Variants in CADM2 observed in about 807,000 individuals in gnomAD.
CADM2 encodes the protein cell adhesion molecule 2.
Under a neutral mutation model 49.8 loss-of-function variants are expected in CADM2, and 12 were observed. The ratio of observed to expected loss-of-function variants is 0.24; its 90% CI spans 0.15 to 0.39. The LOEUF is 0.39. CADM2 is among the 10% of genes least tolerant of loss of function. The pLI is 1.00. For synonymous variants in CADM2, 214 were observed against 175.4 expected (o/e 1.22, Z -1.74); for missense variants, 378 against 492.3 (o/e 0.77, Z 2.20).
intron 1 of CADM2, among the ~76,000 whole-genome samples, chr3:85,579,136 A>G (rs898971798): frequency 6.6e-6 from 1 of 152,238 alleles, no homozygotes; most frequent in African/African-American, 2.4e-5. Context: ...GAAACTAATT[A>G]GCAAGATATT....
intron 2 of CADM2, among the ~76,000 whole-genome samples, chr3:85,787,893 T>C (rs1007222463): frequency 6.6e-6 from 1 of 152,142 alleles, no homozygotes; most frequent in Non-Finnish European, 1.5e-5. Context: ...CCTATTGATA[T>C]TTTTCAGTTC....
At chr3:85,959,899 AT>A (rs1409292863) in intron 7 of CADM2, among the ~76,000 whole-genome samples, 1 of 151,866 alleles carries the variant, frequency 6.6e-6, no homozygotes, top group Non-Finnish European at 1.5e-5. Context: ...TTAATAACAC[AT>A]TTCTCAGGCT....
chr3:85,407,401 T>A (rs1432206634), intron 1 of CADM2, among the ~76,000 whole-genome samples: 1 of 152,210 alleles, frequency 6.6e-6, no homozygotes, highest in African/African-American at 2.4e-5. Context: ...TTTGGATTTT[T>A]GTAGATACCT....
At chr3:85,773,318 T>A (rs1385484399) in intron 2 of CADM2, among the ~76,000 whole-genome samples, 2 of 152,098 alleles carry the variant, frequency 1.3e-5, no homozygotes, top group African/African-American at 4.8e-5. Flanking sequence ...TCACACTTAA[T>A]GGAAGAGTAA....
chr3:85,128,330 A>G (rs1419413068), intron 1 of CADM2, among the ~76,000 whole-genome samples: 1 of 152,170 alleles, frequency 6.6e-6, no homozygotes, highest in Non-Finnish European at 1.5e-5. Flanking sequence ...ATATAGGAGA[A>G]AAGTTTTGCT....
intron 1 of CADM2, among the ~76,000 whole-genome samples, chr3:85,567,573 G>A (rs138136411): frequency 5.9e-5 from 9 of 152,172 alleles, no homozygotes; most frequent in African/African-American, 2.2e-4. Flanking sequence ...CTATTGTGCA[G>A]ATTTTTTTTT....
intron 1 of CADM2, among the ~76,000 whole-genome samples, chr3:85,307,450 CT>C (rs1289648238): frequency 6.6e-6 from 1 of 151,776 alleles, no homozygotes; most frequent in Admixed American, 6.6e-5. Context: ...AATATACCTT[CT>C]CATGCAACAG....
chr3:85,210,869 T>G (rs1280912223), intron 1 of CADM2, among the ~76,000 whole-genome samples: 1 of 152,198 alleles, frequency 6.6e-6, no homozygotes, highest in Non-Finnish European at 1.5e-5. Flanking sequence ...TGATGTTACT[T>G]CATTAAATGT....
At chr3:85,197,894 G>T (rs756523621) in intron 1 of CADM2, among the ~76,000 whole-genome samples, 1 of 151,960 alleles carries the variant, frequency 6.6e-6, no homozygotes, top group Non-Finnish European at 1.5e-5. Flanking sequence ...CTTGAAGCAG[G>T]TCATGGATTC....
At chr3:85,411,956 T>C (rs1260987284) in intron 1 of CADM2, among the ~76,000 whole-genome samples, 2 of 152,118 alleles carry the variant, frequency 1.3e-5, no homozygotes, top group South Asian at 2.1e-4. Context: ...ACCTCCCAAG[T>C]CACTGTGATT....
At chr3:85,643,871 C>A (rs2064807139) in intron 1 of CADM2, among the ~76,000 whole-genome samples, 1 of 152,036 alleles carries the variant, frequency 6.6e-6, no homozygotes, top group Admixed American at 6.6e-5. Flanking sequence ...GAGCCCTACC[C>A]TCATTATATT....
At chr3:85,962,671 T>G (rs1177077151) in intron 8 of CADM2, among the ~76,000 whole-genome samples, 1 of 151,966 alleles carries the variant, frequency 6.6e-6, no homozygotes, top group Non-Finnish European at 1.5e-5. Context: ...CAGGTTTCTT[T>G]ACTACAGTAC....
intron 1 of CADM2, among the ~76,000 whole-genome samples, chr3:85,408,009 C>CCAAAAAAAAAAAAAAAAAAA (rs2035474021): frequency 1.9e-4 from 1 of 5,356 alleles, no homozygotes; most frequent in Non-Finnish European, 8.4e-4. Context: ...CAAAACAAAA[C>CCAAAAAAAAAAAAAAAAAAA]CAAAAAAAAA....
rs1182718618 is a variant in CADM2 at position 85,657,590 on chromosome 3, A to T, written c.62-68932A>T. 2.0e-5 allele frequency among the ~76,000 whole-genome samples: 3 copies of T among 150,992 alleles called. No homozygotes were observed. In the East Asian group the frequency reaches 5.8e-4, roughly 29 times the overall value. ...TTTATTCATGTATATCTAGATGGAT[A>T]TTTTCATTATTACAAATAAATATTT... On this transcript the variant is annotated intron_variant, in intron 1 of 9. Transcript: ENST00000383699.
At chr3:85,386,005 T>A (rs2034206944) in intron 1 of CADM2, among the ~76,000 whole-genome samples, 1 of 152,076 alleles carries the variant, frequency 6.6e-6, no homozygotes, top group South Asian at 2.1e-4. Flanking sequence ...AACAAATAAA[T>A]ATAGAACAAA....
intron 1 of CADM2, among the ~76,000 whole-genome samples, chr3:85,338,377 A>C (rs1245772338): frequency 6.6e-6 from 1 of 151,714 alleles, no homozygotes; most frequent in Admixed American, 6.6e-5. Flanking sequence ...CTAAGAGTAC[A>C]GAGTTTTTGT....
At chr3:85,538,313 C>T (rs1051293952) in intron 1 of CADM2, among the ~76,000 whole-genome samples, 2 of 152,036 alleles carry the variant, frequency 1.3e-5, no homozygotes, top group African/African-American at 4.8e-5. Context: ...TCCTTTTGAT[C>T]CCCACAGCTT....
At position 84,978,598 on chromosome 3, in the gene CADM2, A is replaced by G. The variant is rs77943067; in HGVS notation, c.61+18930A>G. Among the ~76,000 whole-genome samples the G allele has an allele frequency of 6.6e-5, 10 of 152,330 alleles. No individual in the cohort carries two copies. The East Asian group carries it at 1.9e-3, about 29-fold the overall frequency. Reference sequence around the variant, plus strand: ...CACAATACCAGTGTTCATTTAAAACAATAAAAGGGAAAATAGAGCGGAGGA... The same window carrying G: ...CACAATACCAGTGTTCATTTAAAACGATAAAAGGGAAAATAGAGCGGAGGA... On this transcript the variant is annotated intron_variant, in intron 1 of 9. Coordinates refer to ENST00000383699, the MANE Select transcript of CADM2 (RefSeq NM_001167675.2).
chr3:85,052,574 G>C (rs2035922028), intron 1 of CADM2, among the ~76,000 whole-genome samples: 2 of 151,976 alleles, frequency 1.3e-5, no homozygotes, highest in African/African-American at 2.4e-5. Flanking sequence ...TAATTTTACA[G>C]TATATTGGTC....
Sources: gnomAD v4.1 joint callset for allele counts (sites outside exome capture counted in the v4.1 genomes callset) on GRCh38, gnomAD v4.1.1 for gene constraint, MANE v1.5 for transcripts, NCBI Gene and HGNC (gene_info 2026-07-23, HGNC 2026-07-21) for gene names.